SLC24A3: variants seen among roughly 807,000 people sequenced by gnomAD.
SLC24A3 encodes the protein sodium/potassium/calcium exchanger 3.
SLC24A3 carries 28 observed loss-of-function variants against 75.8 expected under a neutral mutation model. The observed-to-expected ratio is 0.37, with a 90% confidence interval of 0.27 to 0.51. SLC24A3 has a LOEUF of 0.51. Ranked by LOEUF, SLC24A3 falls within the 20% of genes least tolerant of loss-of-function variation. SLC24A3 has a pLI of 0.94. For synonymous variants in SLC24A3, 372 were observed against 334.1 expected, an observed-to-expected ratio of 1.11 and a Z score of -1.24; for missense variants, 663 against 847.8, an observed-to-expected ratio of 0.78 and a Z score of 2.71.
intron 2 of SLC24A3, among the ~76,000 whole-genome samples, chr20:19,419,104 CA>C (rs1237129606): frequency 6.6e-6 from 1 of 152,214 alleles, no homozygotes; most frequent in Non-Finnish European, 1.5e-5. Context: ...AGTAACCAAA[CA>C]GTTGATGAGA....
At chr20:19,555,906 C>T (rs891148363) in intron 3 of SLC24A3, among the ~76,000 whole-genome samples, 2 of 152,120 alleles carry the variant, frequency 1.3e-5, no homozygotes, top group African/African-American at 4.8e-5. Flanking sequence ...AAATAATTAA[C>T]AAAATAGCTT....
At chr20:19,377,803 A>T (rs1986112018) in intron 2 of SLC24A3, among the ~76,000 whole-genome samples, 1 of 152,200 alleles carries the variant, frequency 6.6e-6, no homozygotes, top group Non-Finnish European at 1.5e-5. Flanking sequence ...CTGTTCACAG[A>T]CCTGTTCAGA....
intron 1 of SLC24A3, among the ~76,000 whole-genome samples, chr20:19,272,539 GACC>G (rs1983360714): frequency 6.6e-6 from 1 of 152,220 alleles, no homozygotes; most frequent in Non-Finnish European, 1.5e-5. Flanking sequence ...CTGGTCTAGG[GACC>G]ACACTTTGAG....
chr20:19,592,329 G>T (rs2122645178), intron 6 of SLC24A3, among the ~76,000 whole-genome samples: 2 of 152,150 alleles, frequency 1.3e-5, no homozygotes, highest in Non-Finnish European at 2.9e-5. Flanking sequence ...TATTGTCCAG[G>T]CAGTCTCTAA....
intron 15 of SLC24A3, among the ~76,000 whole-genome samples, chr20:19,710,524 T>A (rs1333085766): frequency 6.6e-6 from 1 of 152,234 alleles, no homozygotes; most frequent in Non-Finnish European, 1.5e-5. Flanking sequence ...CAGCATTAAA[T>A]GTCAGGACTG....
intron 2 of SLC24A3, among the ~76,000 whole-genome samples, chr20:19,388,160 C>A (rs1986304040): frequency 6.6e-6 from 1 of 151,922 alleles, no homozygotes; most frequent in African/African-American, 2.4e-5. Flanking sequence ...CTGTAGTCAC[C>A]CTGTTGTACT....
At chr20:19,261,142 C>G (rs535514948) in intron 1 of SLC24A3, among the ~76,000 whole-genome samples, 3 of 152,108 alleles carry the variant, frequency 2.0e-5, no homozygotes, top group African/African-American at 7.2e-5. Flanking sequence ...GCAAGGAATC[C>G]CCTTGGAAAG....
chr20:19,328,932 G>A lies in SLC24A3; in HGVS notation c.271+47845G>A, dbSNP rs1000336975. ...TGCGAGGAGCCAGCAGAGGAGGCTC[G>A]GAGGAGCAGCCATCGAGGCGGGAGG... On this transcript the variant is annotated intron_variant, in intron 2 of 16. Transcript: ENST00000328041. Among the ~76,000 whole-genome samples, 4 of 152,218 alleles carry A rather than the reference G, an allele frequency of 2.6e-5. 1 individual carries two copies. The highest frequency in any genetic ancestry group is 3.9e-4 in the East Asian group (2 of 5,194).
At chr20:19,549,261 G>A (rs543432364) in intron 3 of SLC24A3, among the ~76,000 whole-genome samples, 1 of 152,318 alleles carries the variant, frequency 6.6e-6, no homozygotes, top group South Asian at 2.1e-4. Flanking sequence ...GATTAAAAGA[G>A]CATCAGTTTT....
At chr20:19,637,946 A>G (rs2032021147) in intron 6 of SLC24A3, among the ~76,000 whole-genome samples, 1 of 152,200 alleles carries the variant, frequency 6.6e-6, no homozygotes, top group African/African-American at 2.4e-5. Context: ...AATTAGCTAA[A>G]CCTTCATTTT....
At chr20:19,672,183 A>G (rs962678611) in intron 8 of SLC24A3, among the ~76,000 whole-genome samples, 12 of 152,162 alleles carry the variant, frequency 7.9e-5, no homozygotes, top group Admixed American at 3.9e-4. Context: ...AGAGGCACTG[A>G]AACGCAGTGT....
chr20:19,267,070 A>G (rs963651203), intron 1 of SLC24A3, among the ~76,000 whole-genome samples: 29 of 152,206 alleles, frequency 1.9e-4, no homozygotes, highest in Admixed American at 1.4e-3. Context: ...AACCATTTAA[A>G]AATAATAATT....
intron 5 of SLC24A3, 120 bp from the exon 6 acceptor site, chr20:19,585,321 C>A: frequency 1.0e-6 from 1 of 979,736 alleles, no homozygotes; most frequent in Non-Finnish European, 1.6e-6. Flanking sequence ...GCTCTCTCCA[C>A]CCCTCAGCTG....
At chr20:19,394,827 A>G (rs1399680234) in intron 2 of SLC24A3, among the ~76,000 whole-genome samples, 1 of 152,210 alleles carries the variant, frequency 6.6e-6, no homozygotes, top group Non-Finnish European at 1.5e-5. Context: ...CAAAAAATTA[A>G]AAGTAGAATT....
intron 1 of SLC24A3, among the ~76,000 whole-genome samples, chr20:19,228,465 T>C (rs1451045481): frequency 6.6e-6 from 1 of 152,052 alleles, no homozygotes. Flanking sequence ...CTGTGAAACC[T>C]TGTCTCTACT....
intron 2 of SLC24A3, among the ~76,000 whole-genome samples, chr20:19,458,820 T>A (rs912247112): frequency 6.6e-6 from 1 of 152,246 alleles, no homozygotes; most frequent in Non-Finnish European, 1.5e-5. Context: ...ATCCATTTTT[T>A]AAATAAGAAT....
intron 2 of SLC24A3, among the ~76,000 whole-genome samples, chr20:19,374,781 A>T (rs1986052946): frequency 6.6e-6 from 1 of 152,086 alleles, no homozygotes; most frequent in Non-Finnish European, 1.5e-5. Flanking sequence ...TTCTTCACCC[A>T]TTCTTATCAG....
At chr20:19,417,157 A>G (rs1986840230) in intron 2 of SLC24A3, among the ~76,000 whole-genome samples, 1 of 152,130 alleles carries the variant, frequency 6.6e-6, no homozygotes, top group Non-Finnish European at 1.5e-5. Context: ...ACCAGTGAGG[A>G]AAAAAATAGA....
chr20:19,314,592 G>A (rs564155824), intron 2 of SLC24A3, among the ~76,000 whole-genome samples: 2 of 152,312 alleles, frequency 1.3e-5, no homozygotes, highest in Admixed American at 6.5e-5. Flanking sequence ...TGGGATTACA[G>A]GCGTGAGCTA....
Sources: allele counts gnomAD v4.1 joint callset (sites outside exome capture counted in the v4.1 genomes callset), GRCh38; gene constraint gnomAD v4.1.1; transcripts MANE v1.5; gene names NCBI Gene and HGNC (gene_info 2026-07-23, HGNC 2026-07-21).